The following SVEP1 variants were observed in gnomAD, a reference collection of about 807,000 sequenced individuals.
SVEP1 encodes the protein sushi, von Willebrand factor type A, EGF and pentraxin domain containing 1.
Under a neutral mutation model 367.3 loss-of-function variants are expected in SVEP1, and 164 were observed. That is an observed-to-expected ratio of 0.45 (90% CI 0.39 to 0.51). SVEP1 has a LOEUF of 0.51. SVEP1 is among the 20% of genes least tolerant of loss of function. The pLI, the probability that SVEP1 is intolerant of heterozygous loss-of-function variation, is 0.00. For synonymous variants in SVEP1, 1,666 were observed against 1,611.6 expected (o/e 1.03, Z -0.81); for missense variants, 4,117 against 4,425.3 (o/e 0.93, Z 1.98).
chr9:110,436,597 A>G (rs527585258), intron 27 of SVEP1, 93 bp from the exon 28 acceptor site: 20 of 1,437,072 alleles, frequency 1.4e-5, no homozygotes, highest in Non-Finnish European at 1.7e-5. Context: ...CGACTGATAC[A>G]AATAAATGAA....
In SVEP1 at chr9:110,550,035, C is replaced by G; in HGVS notation, c.601G>C (p.Gly201Arg). 1 of 1,614,016 alleles carries G rather than the reference C, an allele frequency of 6.2e-7. No individual in the cohort carries two copies. The highest frequency in any genetic ancestry group is 8.5e-7 in the Non-Finnish European group (1 of 1,179,878). Reference protein sequence around the residue: ...VFLITDGYSNGGDPRPIAASL... With the variant: ...VFLITDGYSNRGDPRPIAASL... Reference sequence around the variant, plus strand: ...GCTGCAATTGGTCTAGGGTCTCCCCCATTGGAATATCCATCAGTGATGAGA... The same window carrying G: ...GCTGCAATTGGTCTAGGGTCTCCCCGATTGGAATATCCATCAGTGATGAGA... The change falls in exon 2 of 48, where the codon GGG (glycine) becomes CGG (arginine). Residue 201 changes from glycine (G) to arginine (R), a missense_variant. This residue lies in a region of SVEP1 where 2,174 missense variants were observed against 2,494.3 expected (regional missense o/e 0.87). Coordinates refer to ENST00000374469, the MANE Select transcript of SVEP1 (RefSeq NM_153366.4).
At chr9:110,479,535 G>C (rs1829152383) in intron 13 of SVEP1, 100 bp downstream of exon 13, 66 of 1,376,034 alleles carry the variant, frequency 4.8e-5, no homozygotes, top group Middle Eastern at 1.9e-4. Flanking sequence ...GGATCACAAA[G>C]AAGAGGGAAA....
chr9:110,479,394 C>A (rs1283601326), intron 13 of SVEP1, among the ~76,000 whole-genome samples: 2 of 152,136 alleles, frequency 1.3e-5, no homozygotes, highest in African/African-American at 4.8e-5. Context: ...CTCCAACCAT[C>A]CAGACCTTAA....
chr9:110,508,232 G>A (rs1408542827), intron 5 of SVEP1, among the ~76,000 whole-genome samples: 1 of 151,820 alleles, frequency 6.6e-6, no homozygotes, highest in Non-Finnish European at 1.5e-5. Context: ...TAAGAGAAAA[G>A]TCTACTTGTA....
At chr9:110,511,162 G>A (rs1018193687) in intron 5 of SVEP1, among the ~76,000 whole-genome samples, 18 of 152,084 alleles carry the variant, frequency 1.2e-4, no homozygotes, top group African/African-American at 4.3e-4. Context: ...ATTATTTCCC[G>A]ACATAAATCT....
At position 110,499,145 on chromosome 9, in the gene SVEP1, T is replaced by G. The variant is rs756142826; in HGVS notation, c.1577A>C (p.Tyr526Ser). The G allele has an allele frequency of 5.0e-6, 8 of 1,613,776 alleles. No individual in the cohort carries two copies. The Middle Eastern group carries it at 9.9e-4, about 200-fold the overall frequency. Residue 526 changes from tyrosine (Y) to serine (S), a missense_variant, in exon 7 of 48, where the codon TAT (tyrosine) becomes TCT (serine). This residue lies in a region of SVEP1 where 2,174 missense variants were observed against 2,494.3 expected (regional missense o/e 0.87). Coordinates refer to ENST00000374469, the MANE Select transcript of SVEP1 (RefSeq NM_153366.4). ...KQPAKFGTIC[Y>S]VSCRQGFILS... ...AATGAACCCTTGGCGGCAACTTACA[T>G]AGCAGATCGTCCCAAATTTGGCTGG...
chr9:110,398,631 C>A (rs1196392054), intron 40 of SVEP1, among the ~76,000 whole-genome samples: 1 of 152,020 alleles, frequency 6.6e-6, no homozygotes, highest in Admixed American at 6.6e-5. Flanking sequence ...ACAATGAACA[C>A]AAACAAATTT....
intron 3 of SVEP1, among the ~76,000 whole-genome samples, chr9:110,517,028 C>T (rs73655393): frequency 0.012 from 1,826 of 152,008 alleles, 40 homozygotes; most frequent in African/African-American, 0.042. Flanking sequence ...AAAACAAATG[C>T]CAGGAAAAAA....
chr9:110,453,848 G>A (rs566796057), intron 22 of SVEP1, among the ~76,000 whole-genome samples: 16 of 149,022 alleles, frequency 1.1e-4, no homozygotes, highest in Admixed American at 2.0e-4. Flanking sequence ...CAGCCTGGGC[G>A]ACACAGCGAG....
intron 36 of SVEP1, 35 bp from the exon 37 acceptor site, chr9:110,411,770 CATA>C: frequency 4.1e-6 from 6 of 1,449,058 alleles, no homozygotes; most frequent in Non-Finnish European, 5.5e-6. Context: ...AATAACTAAG[CATA>C]ATATTTGAGA....
intron 14 of SVEP1, among the ~76,000 whole-genome samples, chr9:110,474,487 T>C (rs1193464125): frequency 6.6e-5 from 10 of 152,186 alleles, no homozygotes; most frequent in Admixed American, 6.5e-4. Flanking sequence ...GGATCACATG[T>C]GCCACCTGCC....
chr9:110,483,172 GT>G (rs915783992), intron 10 of SVEP1, among the ~76,000 whole-genome samples: 13 of 152,174 alleles, frequency 8.5e-5, no homozygotes, highest in East Asian at 3.9e-4. Context: ...TATTTGCTTA[GT>G]TTTTTTCTAC....
Position 110,482,398 on chromosome 9 carries a change from G to T in SVEP1, c.2133C>A (p.Gly711=), listed in dbSNP as rs1312364389. The change falls in exon 11 of 48, where the codon GGC becomes GGA. Residue 711 remains glycine, a synonymous_variant. Transcript: ENST00000374469. The part of the protein sequence containing the change: ...IVQYTATDPS[G]NNRTCDIHIV... The stretch of plus-strand genomic sequence containing the variant: ...TATGGATATCACATGTCCTGTTATT[G>T]CCTGAGGGGTCAGTGGCTGTATACT... The T allele has an allele frequency of 2.5e-6, 4 of 1,612,410 alleles. No homozygotes were observed. The highest frequency in any genetic ancestry group is 2.2e-5 in the South Asian group (2 of 90,714).
At chr9:110,455,822 GGGT>G in intron 21 of SVEP1, 119 bp from the exon 22 acceptor site, 7 of 676,424 alleles carry the variant, frequency 1.0e-5, no homozygotes, top group Non-Finnish European at 1.4e-5. Context: ...TAGTGGTAAA[GGGT>G]AATATTCATT....
intron 1 of SVEP1, among the ~76,000 whole-genome samples, chr9:110,561,506 A>G (rs1830426862): frequency 6.6e-6 from 1 of 152,210 alleles, no homozygotes; most frequent in African/African-American, 2.4e-5. Flanking sequence ...TACTAGCTAT[A>G]TGTCCACCAT....
At position 110,406,731 on chromosome 9, in the gene SVEP1, G is replaced by C. The variant is rs771921095; in HGVS notation, c.8869C>G (p.His2957Asp). The C allele has an allele frequency of 3.1e-6, 5 of 1,614,048 alleles. No individual in the cohort carries two copies. Among genetic ancestry groups the C allele is most frequent in the Non-Finnish European group, 3.4e-6 (4 of 1,179,906 alleles). ...VNCGPPEDLA[H>D]GFPNGFSFIH... The stretch of plus-strand genomic sequence containing the variant: ...AAGGAAAAACCATTAGGGAAACCAT[G>C]GGCAAGATCTTCAGGAGGTCCACAG... Residue 2957 changes from histidine (H) to aspartate (D), a missense_variant, in exon 38 of 48, where the codon CAT becomes GAT. By Grantham distance (81) the His-to-Asp change is moderately conservative. Coordinates refer to ENST00000374469, the MANE Select transcript of SVEP1 (RefSeq NM_153366.4).
chr9:110,507,496 C>G (rs944436209), intron 5 of SVEP1, among the ~76,000 whole-genome samples: 1 of 152,144 alleles, frequency 6.6e-6, no homozygotes, highest in Non-Finnish European at 1.5e-5. Flanking sequence ...GTTTAGGATC[C>G]ATTACTCCTT....
rs781527818 is a variant in SVEP1 at position 110,387,385 on chromosome 9, G to A, written c.9960C>T (p.Asn3320=). Reference sequence around the variant, plus strand: ...AGCCTCTGTTGCAGGAATATACCACGTTGGGTCCAGTCGTCCTGTTTTCAA... The same window carrying A: ...AGCCTCTGTTGCAGGAATATACCACATTGGGTCCAGTCGTCCTGTTTTCAA... ...ADIENRTTGP[N]VVYSCNRGYS... Residue 3320 remains asparagine, a synonymous_variant, in exon 42 of 48, where the codon AAC becomes AAT. Coordinates refer to ENST00000374469, the MANE Select transcript of SVEP1 (RefSeq NM_153366.4). 11 of 1,613,380 alleles carry A rather than the reference G, an allele frequency of 6.8e-6. No homozygotes were observed. The highest frequency in any genetic ancestry group is 5.0e-5 in the Admixed American group (3 of 59,812).
At chr9:110,480,699 A>C (rs1829172003) in intron 12 of SVEP1, among the ~76,000 whole-genome samples, 1 of 152,044 alleles carries the variant, frequency 6.6e-6, no homozygotes, top group Non-Finnish European at 1.5e-5. Flanking sequence ...TGATGTGATC[A>C]AAGTTCCCTG....
Sources: gnomAD v4.1 joint callset for allele counts (sites outside exome capture counted in the v4.1 genomes callset) on GRCh38, gnomAD v4.1.1 for gene constraint, gnomAD v4.1.1 regional missense constraint, MANE v1.5 for transcripts, NCBI Gene and HGNC (gene_info 2026-07-23, HGNC 2026-07-21) for gene names.